GPRASP1: variants seen among roughly 807,000 people sequenced by gnomAD.
The protein encoded by GPRASP1 is G protein-coupled receptor-associated sorting protein 1.
GPRASP1 carries 28 observed loss-of-function variants against 68.4 expected under a neutral mutation model. That is an observed-to-expected ratio of 0.41 (90% CI 0.30 to 0.56). The LOEUF is 0.56. Ranked by LOEUF, GPRASP1 falls within the 20% of genes least tolerant of loss-of-function variation. The pLI is 0.29. For synonymous variants in GPRASP1, 304 were observed against 358.2 expected (o/e 0.85, Z 1.71); for missense variants, 913 against 1,031.5 (o/e 0.89, Z 1.57).
In GPRASP1 at chrX:102,655,282, C is replaced by T; in HGVS notation, c.1369C>T (p.Pro457Ser). The T allele has an allele frequency of 8.3e-7, 1 of 1,211,782 alleles. No homozygotes were observed. The highest frequency in any genetic ancestry group is 1.1e-6 in the Non-Finnish European group (1 of 895,469). Residue 457 changes from proline to serine, a missense_variant, in exon 6 of 6, where the codon CCA becomes TCA. Pro to Ser is a moderately conservative substitution (Grantham distance 74, BLOSUM62 -1). Coordinates refer to ENST00000537097, the MANE Select transcript of GPRASP1 (RefSeq NM_001184727.2). ...GACTGGGGCTAGCAGTAAATCCAGA[C>T]CAAGGACTGATGGGGAGCGTATTGG... is the stretch of plus-strand genomic sequence containing the variant. ...MGTGASSKSR[P>S]RTDGERIGDS...
In GPRASP1 at chrX:102,656,212, G is replaced by A. The variant is rs1208609178; in HGVS notation, c.2299G>A (p.Glu767Lys). The change falls in exon 6 of 6, where the codon GAA becomes AAA. Residue 767 changes from glutamate to lysine, a missense_variant. Transcript: ENST00000537097. ...AGCCATTTCAGAGGCTACTGACAGA[G>A]AAGAGTCCAGGCCAGAAGCTGAGGA... Reference protein sequence around the residue: ...DEAISEATDREESRPEAEEGD... With the variant: ...DEAISEATDRKESRPEAEEGD... 5 of 1,211,787 alleles carry A rather than the reference G, an allele frequency of 4.1e-6. No individual in the cohort carries two copies. In the South Asian group the frequency reaches 8.8e-5, roughly 21 times the overall value.
chrX:102,658,783 T>C lies in GPRASP1; in HGVS notation c.*682T>C. ...GAGCAACATAGAGGATGACATAAGT[T>C]TTAAAGAGCTGAGGATTTGCATTTT... On this transcript the variant is annotated 3_prime_UTR_variant, in exon 6 of 6. Coordinates refer to ENST00000537097, the MANE Select transcript of GPRASP1 (RefSeq NM_001184727.2). The C allele has an allele frequency of 8.2e-6, 1 of 122,372 alleles. No homozygotes were observed. Among genetic ancestry groups the C allele is most frequent in the African/African-American group, 3.3e-5 (1 of 30,489 alleles). The allele number at this position is 122,372 out of a possible 1,213,427, so 10.1% of individuals were successfully genotyped here. A position where few individuals can be genotyped will look rare whatever the true frequency, so the allele number is the denominator to read the frequency against.
intron 2 of GPRASP1, among the ~76,000 whole-genome samples, 181 bp downstream of exon 2, chrX:102,651,914 G>A (rs1298210780): frequency 1.8e-5 from 2 of 112,769 alleles, no homozygotes; most frequent in Non-Finnish European, 3.8e-5. Context: ...TTTCGGTACC[G>A]AGAGACGGCT....
In GPRASP1 at chrX:102,657,544, C is replaced by T. The variant is rs765715617; in HGVS notation, c.3631C>T (p.Arg1211Ter). 2.5e-5 allele frequency: 30 copies of T among 1,210,343 alleles called. No homozygotes were observed. The highest frequency in any genetic ancestry group is 1.2e-4 in the East Asian group (4 of 33,796). The change falls in exon 6 of 6, where the codon CGA (arginine) becomes TGA (stop). Residue 1211 changes from arginine to a stop codon, truncating the protein, a stop_gained. Coordinates refer to ENST00000537097, the MANE Select transcript of GPRASP1 (RefSeq NM_001184727.2). LOFTEE classifies it high-confidence loss of function. ...AACCTTGCTTAATTATCCGTCCTCC[C>T]GAGTTAGAACAAGTTTTTTGGAAAA... is the stretch of plus-strand genomic sequence containing the variant. ...IETLLNYPSS[R>*]VRTSFLENMI...
At position 102,654,173 on chromosome X, in the gene GPRASP1, G is replaced by A. The variant is rs1182896316; in HGVS notation, c.260G>A (p.Arg87Gln). 12 of 1,211,151 alleles carry A rather than the reference G, an allele frequency of 9.9e-6. No individual in the cohort carries two copies. The African/African-American group carries it at 1.6e-4, about 16-fold the overall frequency. ...AAGGCCAAGGCAATACCTGTTTCAC[G>A]ATTTAAGGAAGAAGCCCAGATGTGG... ...KSKAKAIPVSRFKEEAQMWAQ... is the reference protein window; with the variant it reads ...KSKAKAIPVSQFKEEAQMWAQ... The change falls in exon 6 of 6, where the codon CGA becomes CAA. Residue 87 changes from arginine to glutamine, a missense_variant. Transcript: ENST00000537097.
In GPRASP1 at chrX:102,654,473, C is replaced by G. The variant is rs201355689; in HGVS notation, c.560C>G (p.Ser187Cys). 1.1e-5 allele frequency: 13 copies of G among 1,209,745 alleles called. No homozygotes were observed. In the African/African-American group the frequency reaches 1.6e-4, roughly 15 times the overall value. ...CPRPTSKQEA[S>C]PNSDFKWVDK... ...AGGCCTACATCCAAACAAGAAGCCT[C>G]TCCTAATTCTGATTTCAAATGGGTA... The change falls in exon 6 of 6, where the codon TCT becomes TGT. Residue 187 changes from serine to cysteine, a missense_variant. Ser to Cys is a moderately radical substitution (Grantham distance 112, BLOSUM62 -1). Transcript: ENST00000537097.
chrX:102,656,326 G>T lies in GPRASP1; in HGVS notation c.2413G>T (p.Ala805Ser). The stretch of plus-strand genomic sequence containing the variant: ...GACTAGAGAAGAAGACAGGCTAGCA[G>T]CTGAGAAAGAAGGTATTGTTGGGTC... ...AETREEDRLA[A>S]EKEGIVGSWF... The change falls in exon 6 of 6, where the codon GCT becomes TCT. Residue 805 changes from alanine to serine, a missense_variant. Physicochemically the swap from Ala to Ser is moderately conservative, Grantham distance 99. Transcript: ENST00000537097. 1 of 1,194,653 alleles carries T rather than the reference G, an allele frequency of 8.4e-7. No homozygotes were observed. Among genetic ancestry groups the T allele is most frequent in the Non-Finnish European group, 1.1e-6 (1 of 888,219 alleles).
rs2081378902 is a variant in GPRASP1, at chrX:102,653,762, G to A, written c.-152G>A. On this transcript the variant is annotated 5_prime_UTR_variant, in exon 6 of 6. Transcript: ENST00000537097. ...TTGGGAAGGAGGCTGAGTGACTACT[G>A]GACTGGATATTGACTCTAACTCTTG... 1.6e-5 allele frequency: 8 copies of A among 494,979 alleles called. No individual in the cohort carries two copies. The allele number at this position is 494,979 out of a possible 1,213,427, so 40.8% of individuals were successfully genotyped here. A position where few individuals can be genotyped will look rare whatever the true frequency, so the allele number is the denominator to read the frequency against.
chrX:102,658,948 G>A lies in GPRASP1; in HGVS notation c.*847G>A, dbSNP rs1161921568. 1 of 122,852 alleles carries A rather than the reference G, an allele frequency of 8.1e-6. No homozygotes were observed. Among genetic ancestry groups the A allele is most frequent in the Non-Finnish European group, 1.9e-5 (1 of 53,208 alleles). The allele number at this position is 122,852 out of a possible 1,213,427, so 10.1% of individuals were successfully genotyped here. A position where few individuals can be genotyped will look rare whatever the true frequency, so the allele number is the denominator to read the frequency against. On this transcript the variant is annotated 3_prime_UTR_variant, in exon 6 of 6. Coordinates refer to ENST00000537097, the MANE Select transcript of GPRASP1 (RefSeq NM_001184727.2). ...GTAAGTGTTAAGGCAACATCATACA[G>A]CCATTAAACATGATGATGTATAGGG...
chrX:102,654,068 C>G lies in GPRASP1; in HGVS notation c.155C>G (p.Pro52Arg). The change falls in exon 6 of 6, where the codon CCC (proline) becomes CGC (arginine). Residue 52 changes from proline to arginine, a missense_variant. Physicochemically the swap from Pro to Arg is moderately radical, Grantham distance 103. Coordinates refer to ENST00000537097, the MANE Select transcript of GPRASP1 (RefSeq NM_001184727.2). ...TQAQIMPGAR[P>R]KNKSKVMPGA... is the part of the protein sequence containing the mutation. ...GCCCAGATAATGCCTGGGGCAAGGC[C>G]CAAGAATAAGTCCAAGGTTATGCCT... 1.7e-6 allele frequency: 2 copies of G among 1,211,893 alleles called. No homozygotes were observed. Among genetic ancestry groups the G allele is most frequent in the Non-Finnish European group, 2.2e-6 (2 of 895,507 alleles).
rs1282867740 is a variant in GPRASP1, at chrX:102,657,276, A to G, written c.3363A>G (p.Ser1121=). 8.3e-7 allele frequency: 1 copy of G among 1,210,030 alleles called. No individual in the cohort carries two copies. The highest frequency in any genetic ancestry group is 1.8e-5 in the South Asian group (1 of 56,936). The change falls in exon 6 of 6, where the codon TCA becomes TCG. Residue 1121 remains serine, a synonymous_variant. Transcript: ENST00000537097. ...TTCAGTATGATCCTTCCTACAGGTC[A>G]GTCCAGGAAATTCGAGAGCATCTTA... ...FPFQYDPSYR[S]VQEIREHLRA...
chrX:102,655,877 A>T lies in GPRASP1; in HGVS notation c.1964A>T (p.Lys655Met), dbSNP rs770060451. 4.1e-6 allele frequency: 5 copies of T among 1,211,657 alleles called. No individual in the cohort carries two copies. The South Asian group carries it at 8.8e-5, about 21-fold the overall frequency. ...GGAGCCAAAGAAGAGGTCAGTATGA[A>T]GCATGGGACTGGTGTCAGATGCAGA... ...CFGAKEEVSM[K>M]HGTGVRCRFM... The change falls in exon 6 of 6, where the codon AAG becomes ATG. Residue 655 changes from lysine (K) to methionine (M), a missense_variant. By Grantham distance (95) the Lys-to-Met change is moderately conservative (BLOSUM62 -1). Transcript: ENST00000537097.
chrX:102,656,198 A>C lies in GPRASP1; in HGVS notation c.2285A>C (p.Glu762Ala), dbSNP rs1289557596. The C allele has an allele frequency of 8.3e-7, 1 of 1,211,149 alleles. No homozygotes were observed. The highest frequency in any genetic ancestry group is 1.8e-5 in the South Asian group (1 of 56,974). Residue 762 changes from glutamate (E) to alanine (A), a missense_variant, in exon 6 of 6, where the codon GAG becomes GCG. Glu to Ala is a moderately radical substitution (Grantham distance 107, BLOSUM62 -1). Transcript: ENST00000537097. ...WFWKEDEAISEATDREESRPE... is the reference protein window; with the variant it reads ...WFWKEDEAISAATDREESRPE... The stretch of plus-strand genomic sequence containing the variant: ...TGGAAAGAAGATGAAGCCATTTCAG[A>C]GGCTACTGACAGAGAAGAGTCCAGG...
At position 102,656,637 on chromosome X, in the gene GPRASP1, G is replaced by T. The variant is rs2081415795; in HGVS notation, c.2724G>T (p.Gly908=). The T allele has an allele frequency of 3.3e-6, 4 of 1,208,732 alleles. No individual in the cohort carries two copies. The highest frequency in any genetic ancestry group is 4.5e-6 in the Non-Finnish European group (4 of 894,605). ...AGACTGAAGAGGAAACCATTTTTGG[G>T]TCCTGGTTCTGGGATGGAAAAGAAG... is the stretch of plus-strand genomic sequence containing the variant. ...ESETEEETIF[G]SWFWDGKEVS... The change falls in exon 6 of 6, where the codon GGG becomes GGT. Residue 908 remains glycine, a synonymous_variant. Coordinates refer to ENST00000537097, the MANE Select transcript of GPRASP1 (RefSeq NM_001184727.2).
Position 102,654,694 on chromosome X carries a change from C to CCCTG in GPRASP1, c.782_785dup (p.Trp262CysfsTer8). The CCCTG allele has an allele frequency of 2.5e-6, 3 of 1,211,373 alleles. No individual in the cohort carries two copies. The highest frequency in any genetic ancestry group is 3.4e-6 in the Non-Finnish European group (3 of 895,078). On this transcript the variant is annotated frameshift_variant, in exon 6 of 6. Transcript: ENST00000537097. LOFTEE classifies it high-confidence loss of function. Reference sequence around the variant, plus strand: ...TTCTGAGGATGAGTCTGTTAAGACACCCTGGTTCTGGGCCAGAGATAAAAC... The same window carrying CCCTG: ...TTCTGAGGATGAGTCTGTTAAGACACCCTGCCTGGTTCTGGGCCAGAGATAAAAC...
Position 102,655,968 on chromosome X carries a change from G to A in GPRASP1, c.2055G>A (p.Met685Ile). The A allele has an allele frequency of 8.3e-7, 1 of 1,211,370 alleles. No homozygotes were observed. The highest frequency in any genetic ancestry group is 1.1e-6 in the Non-Finnish European group (1 of 895,141). ...SCFWAEKEPCMYPAGGGSWKS... is the reference protein window; with the variant it reads ...SCFWAEKEPCIYPAGGGSWKS... ...TCTGGGCAGAAAAAGAACCCTGTAT[G>A]TATCCTGCCGGTGGAGGAAGTTGGA... The change falls in exon 6 of 6, where the codon ATG becomes ATA. Residue 685 changes from methionine (M) to isoleucine (I), a missense_variant. Transcript: ENST00000537097.
chrX:102,655,946 G>T lies in GPRASP1; in HGVS notation c.2033G>T (p.Trp678Leu). ...AEETNNKSCF[W>L]AEKEPCMYPA... ...GAGACCAATAATAAGTCTTGCTTCTGGGCAGAAAAAGAACCCTGTATGTAT... is the reference window on the plus strand; with the variant it reads ...GAGACCAATAATAAGTCTTGCTTCTTGGCAGAAAAAGAACCCTGTATGTAT... The change falls in exon 6 of 6, where the codon TGG becomes TTG. Residue 678 changes from tryptophan to leucine, a missense_variant. Coordinates refer to ENST00000537097, the MANE Select transcript of GPRASP1 (RefSeq NM_001184727.2). 1 of 1,211,341 alleles carries T rather than the reference G, an allele frequency of 8.3e-7. No homozygotes were observed. Among genetic ancestry groups the T allele is most frequent in the Non-Finnish European group, 1.1e-6 (1 of 895,181 alleles).
Position 102,657,031 on chromosome X carries a change from C to T in GPRASP1, c.3118C>T (p.Arg1040Cys), listed in dbSNP as rs1034570585. ...CSVEQEPDPS[R>C]RPQSWEEVTV... is the part of the protein sequence containing the mutation. ...AGTTGAACAGGAGCCTGATCCTTCA[C>T]GCAGGCCTCAGAGTTGGGAGGAGGT... The change falls in exon 6 of 6, where the codon CGC (arginine) becomes TGC (cysteine). Residue 1040 changes from arginine to cysteine, a missense_variant. Physicochemically the swap from Arg to Cys is radical, Grantham distance 180. Transcript: ENST00000537097. The T allele has an allele frequency of 1.1e-5, 13 of 1,208,629 alleles. No individual in the cohort carries two copies. The highest frequency in any genetic ancestry group is 7.0e-5 in the African/African-American group (4 of 57,085).
intron 3 of GPRASP1, 27 bp downstream of exon 3, chrX:102,652,292 A>C (rs1273043250): frequency 8.9e-6 from 1 of 112,299 alleles, no homozygotes; most frequent in Non-Finnish European, 1.9e-5. Context: ...GGTGGGTGCC[A>C]AACACTGGAG....
Sources: allele counts gnomAD v4.1 joint callset (sites outside exome capture counted in the v4.1 genomes callset), GRCh38; gene constraint gnomAD v4.1.1; transcripts MANE v1.5; gene names NCBI Gene and HGNC (gene_info 2026-07-23, HGNC 2026-07-21).